The following KCNIP4 variants were observed in gnomAD, a reference collection of about 807,000 sequenced individuals.
The protein encoded by KCNIP4 is Kv channel-interacting protein 4.
KCNIP4 carries 12 observed loss-of-function variants against 34.0 expected under a neutral mutation model. That is an observed-to-expected ratio of 0.35 (90% CI 0.23 to 0.57). The LOEUF (loss-of-function observed/expected upper bound fraction) is 0.57. Ranked by LOEUF, KCNIP4 falls within the 20% of genes least tolerant of loss-of-function variation. KCNIP4 has a pLI of 0.83. For missense variants in KCNIP4, 238 were observed against 311.7 expected (o/e 0.76, Z 1.78); for synonymous variants, 124 against 102.2 (o/e 1.21, Z -1.29).
At chr4:21,435,887 G>A (rs1207885932) in intron 1 of KCNIP4, among the ~76,000 whole-genome samples, 3 of 152,082 alleles carry the variant, frequency 2.0e-5, no homozygotes, top group Non-Finnish European at 4.4e-5. Flanking sequence ...GCTCTAATCT[G>A]CTTTTATTTA....
At chr4:20,731,791 GTT>G (rs1230048144) in intron 8 of KCNIP4, 3 of 985,216 alleles carry the variant, frequency 3.0e-6, no homozygotes, top group Non-Finnish European at 3.6e-6. Flanking sequence ...TATCCCCAGG[GTT>G]TCCTCCATAG....
chr4:21,070,730 C>T (rs1472301763), intron 1 of KCNIP4, among the ~76,000 whole-genome samples: 6 of 113,054 alleles, frequency 5.3e-5, no homozygotes, highest in South Asian at 3.2e-4. Context: ...GGCTGGAGTG[C>T]GGTGGTGCAA....
chr4:21,565,522 T>C (rs928502557), intron 1 of KCNIP4, among the ~76,000 whole-genome samples: 1 of 152,158 alleles, frequency 6.6e-6, no homozygotes, highest in Admixed American at 6.5e-5. Context: ...TGTGAACTAT[T>C]TAGCCTCAAA....
chr4:21,389,743 A>C (rs1296684249), intron 1 of KCNIP4, among the ~76,000 whole-genome samples: 1 of 152,050 alleles, frequency 6.6e-6, no homozygotes, highest in Non-Finnish European at 1.5e-5. Flanking sequence ...TCTATTGCGA[A>C]TAGTGCCACA....
chr4:21,311,869 T>C (rs1713224531), intron 1 of KCNIP4, among the ~76,000 whole-genome samples: 1 of 152,118 alleles, frequency 6.6e-6, no homozygotes, highest in Non-Finnish European at 1.5e-5. Flanking sequence ...AAGGGTCCTA[T>C]CATCATTTCC....
Position 20,971,905 on chromosome 4 carries a change from A to G in KCNIP4, c.62-89196T>C, listed in dbSNP as rs1734985425. Among the ~76,000 whole-genome samples, 3 of 152,190 alleles carry G rather than the reference A, an allele frequency of 2.0e-5. No individual in the cohort carries two copies. In the South Asian group the frequency reaches 6.2e-4, roughly 32 times the overall value. The stretch of plus-strand genomic sequence containing the variant: ...TCAAATCCTGCTGCTGCTTTCTCAA[A>G]TAAGTTTATGCAGTATTCTAAATTC... On this transcript the variant is annotated intron_variant, in intron 1 of 8. Coordinates refer to ENST00000382152, the MANE Select transcript of KCNIP4 (RefSeq NM_025221.6).
rs142093731 is a variant in KCNIP4, at chr4:21,936,027, T to C, written c.61+12544A>G. Among the ~76,000 whole-genome samples, 1,413 of 151,652 alleles carry C rather than the reference T, an allele frequency of 9.3e-3. 31 individuals carry two copies. The highest frequency in any genetic ancestry group is 0.032 in the African/African-American group (1,341 of 41,350). On this transcript the variant is annotated intron_variant, in intron 1 of 8. Coordinates refer to ENST00000382152, the MANE Select transcript of KCNIP4 (RefSeq NM_025221.6). The stretch of plus-strand genomic sequence containing the variant: ...ACATAGTATATATAAAACAGCATTA[T>C]CAAATAATAGTATAGCATATATCGT...
intron 1 of KCNIP4, among the ~76,000 whole-genome samples, chr4:21,367,925 T>C (rs1160795257): frequency 8.8e-5 from 13 of 147,498 alleles, no homozygotes; most frequent in Admixed American, 8.6e-4. Context: ...AGACTACCTA[T>C]ACAGGCAGGT....
At chr4:21,039,552 C>T (rs1741768324) in intron 1 of KCNIP4, among the ~76,000 whole-genome samples, 1 of 151,924 alleles carries the variant, frequency 6.6e-6, no homozygotes, top group African/African-American at 2.4e-5. Context: ...GCCAGATCCC[C>T]ACCCTCAAAG....
At chr4:21,316,244 G>A (rs1418895711) in intron 1 of KCNIP4, 4 of 152,164 alleles carry the variant, frequency 2.6e-5, no homozygotes, top group Non-Finnish European at 4.4e-5. Context: ...GAATCCTGGG[G>A]AGGAAGGGCC....
intron 1 of KCNIP4, among the ~76,000 whole-genome samples, chr4:21,904,315 C>T (rs60028998): frequency 0.025 from 3,811 of 152,182 alleles, 77 homozygotes; most frequent in Middle Eastern, 0.075. Context: ...TAATTATATG[C>T]TTGAATAAGT....
intron 1 of KCNIP4, among the ~76,000 whole-genome samples, chr4:21,915,651 G>T (rs1367642483): frequency 1.3e-5 from 2 of 152,152 alleles, no homozygotes; most frequent in Non-Finnish European, 2.9e-5. Context: ...TAAATATGTT[G>T]ATTTCAACTC....
chr4:21,566,525 C>T (rs1204158345), intron 1 of KCNIP4, among the ~76,000 whole-genome samples: 4 of 152,104 alleles, frequency 2.6e-5, no homozygotes, highest in Non-Finnish European at 4.4e-5. Context: ...CTTCCCCATT[C>T]GCCATCCACC....
At chr4:21,300,406 A>T (rs1038495) in intron 1 of KCNIP4, among the ~76,000 whole-genome samples, 100,678 of 152,018 alleles carry the variant, frequency 0.66, 34,307 homozygotes, top group African/African-American at 0.83. Flanking sequence ...CACTGGCCAC[A>T]GGTATTGTGT....
chr4:21,709,055 C>A (rs968161012), intron 1 of KCNIP4, among the ~76,000 whole-genome samples: 8 of 151,776 alleles, frequency 5.3e-5, no homozygotes, highest in African/African-American at 1.7e-4. Context: ...TGAACTCTAA[C>A]AAAAATATTT....
At position 21,220,712 on chromosome 4, in the gene KCNIP4, G is replaced by A. The variant is rs567568511; in HGVS notation, c.62-338003C>T. 5.9e-5 allele frequency among the ~76,000 whole-genome samples: 9 copies of A among 152,216 alleles called. No homozygotes were observed. In the East Asian group the frequency reaches 1.7e-3, roughly 29 times the overall value. On this transcript the variant is annotated intron_variant, in intron 1 of 8. Coordinates refer to ENST00000382152, the MANE Select transcript of KCNIP4 (RefSeq NM_025221.6). ...TGAAACACAGAATCAAAGAAGAGGGGAAACAGGAATTAGGTGACATTATTT... is the reference window on the plus strand; with the variant it reads ...TGAAACACAGAATCAAAGAAGAGGGAAAACAGGAATTAGGTGACATTATTT...
intron 1 of KCNIP4, among the ~76,000 whole-genome samples, chr4:20,922,974 T>C (rs1233943076): frequency 1.3e-5 from 2 of 152,120 alleles, no homozygotes; most frequent in Non-Finnish European, 2.9e-5. Flanking sequence ...TGTGTGTGTG[T>C]GCGTGTGTGT....
rs1000120627 is a variant in KCNIP4, at chr4:21,837,124, A to G, written c.61+111447T>C. ...AGTAGAGATGGGGTTTCACCATGTT[A>G]GCCAGGATGGTCTCGATCTCCTGAC... On this transcript the variant is annotated intron_variant, in intron 1 of 8. Coordinates refer to ENST00000382152, the MANE Select transcript of KCNIP4 (RefSeq NM_025221.6). Among the ~76,000 whole-genome samples, 8 of 150,302 alleles carry G rather than the reference A, an allele frequency of 5.3e-5. No homozygotes were observed. In the East Asian group the frequency reaches 1.2e-3, roughly 23 times the overall value.
At chr4:21,690,312 CAAGAA>C (rs1751172076) in intron 1 of KCNIP4, among the ~76,000 whole-genome samples, 1 of 151,820 alleles carries the variant, frequency 6.6e-6, no homozygotes, top group Non-Finnish European at 1.5e-5. Context: ...AAACTTCATC[CAAGAA>C]AAGATGTTGA....
Sources: allele counts gnomAD v4.1 joint callset (sites outside exome capture counted in the v4.1 genomes callset), GRCh38; gene constraint gnomAD v4.1.1; transcripts MANE v1.5; gene names NCBI Gene and HGNC (gene_info 2026-07-23, HGNC 2026-07-21).